DKK3: variants seen among roughly 807,000 people sequenced by gnomAD.
The protein encoded by DKK3 is dickkopf Wnt signaling pathway inhibitor 3.
Under a neutral mutation model 33.2 loss-of-function variants are expected in DKK3, and 22 were observed. That is an observed-to-expected ratio of 0.66 (90% CI 0.47 to 0.95). The LOEUF (loss-of-function observed/expected upper bound fraction) is 0.95, where lower values mean the gene tolerates loss of function less well. Among genes scored for constraint, DKK3 ranks in the 40% least tolerant of loss-of-function variants. The probability of loss-of-function intolerance (pLI) is 0.00; values close to 1 mark genes in which losing one functional copy is unlikely to be tolerated. For synonymous variants in DKK3, 194 were observed against 188.8 expected (o/e 1.03, Z -0.23); for missense variants, 398 against 458.4 (o/e 0.87, Z 1.20).
At chr11:11,997,189 C>T (rs1394290464) in intron 3 of DKK3, among the ~76,000 whole-genome samples, 3 of 152,206 alleles carry the variant, frequency 2.0e-5, no homozygotes, top group African/African-American at 7.2e-5. Flanking sequence ...CTGCCCTCCC[C>T]AGAGCACGGC....
chr11:11,986,673 C>T (rs61871875), intron 3 of DKK3, among the ~76,000 whole-genome samples: 27,623 of 152,136 alleles, frequency 0.18, 3,145 homozygotes, highest in Non-Finnish European at 0.27. Flanking sequence ...ATGACTTTAT[C>T]AGAAATATAT....
Position 12,002,345 on chromosome 11 carries a change from C to T in DKK3, c.306G>A (p.Thr102=), listed in dbSNP as rs780144694. Residue 102 remains threonine, a synonymous_variant, in exon 2 of 7, where the codon ACG becomes ACA. Transcript: ENST00000683431. ...CATGGATGGTATTATTTCCAACCTT[C>T]GTGTCTGTGTTGGTCTCATTGTGAT... ...PSYHNETNTD[T]KVGNNTIHVH... 6 of 1,613,864 alleles carry T rather than the reference C, an allele frequency of 3.7e-6. No individual in the cohort carries two copies. Among genetic ancestry groups the T allele is most frequent in the East Asian group, 2.2e-5 (1 of 44,882 alleles).
At chr11:11,978,113 G>A (rs1020488637) in intron 3 of DKK3, among the ~76,000 whole-genome samples, 2 of 152,098 alleles carry the variant, frequency 1.3e-5, no homozygotes, top group Admixed American at 6.5e-5. Flanking sequence ...GTGCCAATCC[G>A]ATCAATGTGA....
chr11:12,002,230 A>G, intron 2 of DKK3, 70 bp downstream of exon 2: 1 of 1,498,852 alleles, frequency 6.7e-7, no homozygotes, highest in South Asian at 1.4e-5. Context: ...AAAAAACAAA[A>G]ACAAAAAAAC....
At chr11:11,989,669 A>G (rs1023393863) in intron 3 of DKK3, among the ~76,000 whole-genome samples, 1 of 152,228 alleles carries the variant, frequency 6.6e-6, no homozygotes, top group African/African-American at 2.4e-5. Context: ...CTCCAGTATA[A>G]TTAACCCTGC....
At chr11:11,995,632 A>G (rs148563912) in intron 3 of DKK3, among the ~76,000 whole-genome samples, 1 of 152,370 alleles carries the variant, frequency 6.6e-6, no homozygotes, top group East Asian at 1.9e-4. Context: ...GTGGGGACAC[A>G]GTTCCATAAA....
Position 12,008,281 on chromosome 11 carries a change from C to A in DKK3, c.213+89G>T. 1 of 1,467,588 alleles carries A rather than the reference C, an allele frequency of 6.8e-7. No individual in the cohort carries two copies. Among genetic ancestry groups the A allele is most frequent in the Admixed American group, 2.1e-5 (1 of 46,622 alleles). The allele number at this position is 1,467,588 out of a possible 1,614,324, so 90.9% of individuals were successfully genotyped here. On this transcript the variant is annotated intron_variant, in intron 1 of 6. Transcript: ENST00000683431. The surrounding 1 kb of genome is among the most constrained non-coding windows in gnomAD (Gnocchi z 4.6). Reference sequence around the variant, plus strand: ...CCAGGCCCTGCGCGGGACCCGAGGTCCCTGGCCAGCGCTCTTCCATGCCTT... The same window carrying A: ...CCAGGCCCTGCGCGGGACCCGAGGTACCTGGCCAGCGCTCTTCCATGCCTT...
chr11:11,986,061 G>T (rs1343007273), intron 3 of DKK3, among the ~76,000 whole-genome samples: 1 of 152,112 alleles, frequency 6.6e-6, no homozygotes, highest in Non-Finnish European at 1.5e-5. Flanking sequence ...AGTTCTGCTT[G>T]CCAGGCATGA....
intron 3 of DKK3, among the ~76,000 whole-genome samples, chr11:11,969,059 G>A (rs1203299338): frequency 1.3e-5 from 2 of 152,146 alleles, no homozygotes; most frequent in Non-Finnish European, 2.9e-5. Context: ...GAGGGTGGCT[G>A]GACTCCAGCC....
chr11:11,964,278 G>T lies in DKK3; in HGVS notation c.*186C>A. On this transcript the variant is annotated 3_prime_UTR_variant, in exon 7 of 7. Transcript: ENST00000683431. ...GCCTGACTCTCCCAAGCACCAGACT[G>T]TGAAGCCTGGAGAACAGCCTGGGGG... 1.3e-6 allele frequency: 1 copy of T among 752,732 alleles called. No homozygotes were observed. Among genetic ancestry groups the T allele is most frequent in the Non-Finnish European group, 2.1e-6 (1 of 465,938 alleles). The allele number at this position is 752,732 out of a possible 1,614,324, so 46.6% of individuals were successfully genotyped here. A position where few individuals can be genotyped will look rare whatever the true frequency, so the allele number is the denominator to read the frequency against.
chr11:12,008,330 T>G lies in DKK3; in HGVS notation c.213+40A>C. ...TTCCCAGACTTCGCTGCCCCCAGTC[T>G]GGCGCTTCTCAGAGCCCCGCGCCGC... is the stretch of plus-strand genomic sequence containing the variant. On this transcript the variant is annotated intron_variant, in intron 1 of 6. Coordinates refer to ENST00000683431, the MANE Select transcript of DKK3 (RefSeq NM_001018057.2). The surrounding 1 kb of genome is among the most constrained non-coding windows in gnomAD (Gnocchi z 4.6). 6.3e-7 allele frequency: 1 copy of G among 1,576,716 alleles called. No individual in the cohort carries two copies. Among genetic ancestry groups the G allele is most frequent in the Non-Finnish European group, 8.6e-7 (1 of 1,167,334 alleles).
intron 3 of DKK3, among the ~76,000 whole-genome samples, chr11:11,969,665 C>T: frequency 1.1e-5 from 1 of 87,070 alleles, no homozygotes; most frequent in Admixed American, 1.7e-4. Context: ...CCCTCTGACC[C>T]AGAGCATCCT....
intron 3 of DKK3, among the ~76,000 whole-genome samples, chr11:11,984,227 A>T (rs949682819): frequency 6.6e-6 from 1 of 152,246 alleles, no homozygotes; most frequent in Admixed American, 6.5e-5. Context: ...TTACAAAGAA[A>T]AATGGTTGTG....
chr11:12,003,208 C>T (rs1021369154), intron 1 of DKK3, among the ~76,000 whole-genome samples: 8 of 152,136 alleles, frequency 5.3e-5, no homozygotes, highest in Non-Finnish European at 1.0e-4. Flanking sequence ...TGTGGCAGGA[C>T]CTGTTGTTGG....
At chr11:11,982,645 G>A (rs1172918900) in intron 3 of DKK3, among the ~76,000 whole-genome samples, 2 of 152,168 alleles carry the variant, frequency 1.3e-5, no homozygotes, top group African/African-American at 2.4e-5. Context: ...CCCGGCCGTG[G>A]CCACAGAGTT....
In DKK3 at chr11:12,008,294, T is replaced by C. The variant is rs1848580118; in HGVS notation, c.213+76A>G. 6.7e-7 allele frequency: 1 copy of C among 1,501,244 alleles called. No individual in the cohort carries two copies. Among genetic ancestry groups the C allele is most frequent in the Non-Finnish European group, 8.9e-7 (1 of 1,127,608 alleles). 93.0% of individuals were successfully genotyped at this position (1,501,244 alleles called of 1,614,324 possible). ...GGGACCCGAGGTCCCTGGCCAGCGC[T>C]CTTCCATGCCTTCCCAGACTTCGCT... On this transcript the variant is annotated intron_variant, in intron 1 of 6. Coordinates refer to ENST00000683431, the MANE Select transcript of DKK3 (RefSeq NM_001018057.2). The surrounding 1 kb of genome is among the most constrained non-coding windows in gnomAD (Gnocchi z 4.6).
chr11:11,976,336 G>T (rs1433667888), intron 3 of DKK3, among the ~76,000 whole-genome samples: 1 of 152,154 alleles, frequency 6.6e-6, no homozygotes, highest in Non-Finnish European at 1.5e-5. Flanking sequence ...CAAGGAGGCT[G>T]CACGGAACAA....
intron 3 of DKK3, among the ~76,000 whole-genome samples, chr11:11,980,458 C>T (rs1847931350): frequency 6.6e-6 from 1 of 152,168 alleles, no homozygotes; most frequent in South Asian, 2.1e-4. Flanking sequence ...GACCTGGAGT[C>T]CAAACTGCAT....
intron 2 of DKK3, among the ~76,000 whole-genome samples, chr11:12,001,087 C>G (rs1590553946): frequency 1.3e-5 from 2 of 152,310 alleles, no homozygotes. Context: ...GACTCACACT[C>G]AGGTATTCTG....
Sources: allele counts gnomAD v4.1 joint callset (sites outside exome capture counted in the v4.1 genomes callset), GRCh38; gene constraint gnomAD v4.1.1; non-coding constraint Gnocchi (gnomAD v3.1); transcripts MANE v1.5; gene names NCBI Gene and HGNC (gene_info 2026-07-23, HGNC 2026-07-21).